MYO16: variants seen among roughly 807,000 people sequenced by gnomAD.
MYO16 encodes myosin XVI, also known as unconventional myosin-XVI.
A neutral mutation model predicts 205.3 loss-of-function variants in MYO16; 94 were observed. The observed-to-expected ratio is 0.46, with a 90% CI of 0.39 to 0.54. MYO16 has a LOEUF of 0.54. Among genes scored for constraint, MYO16 ranks in the 20% least tolerant of loss-of-function variants. The pLI is 0.00. For synonymous variants in MYO16, 988 were observed against 954.0 expected, an observed-to-expected ratio of 1.04 and a Z score of -0.66; for missense variants, 2,315 against 2,387.5, an observed-to-expected ratio of 0.97 and a Z score of 0.63.
At chr13:108,667,707 T>C (rs900030350) in intron 2 of MYO16, among the ~76,000 whole-genome samples, 2 of 152,152 alleles carry the variant, frequency 1.3e-5, no homozygotes, top group South Asian at 4.1e-4. Context: ...AGAAAGCAGA[T>C]CTTAAAATTT....
At chr13:109,024,745 T>A (rs1022469716) in intron 23 of MYO16, among the ~76,000 whole-genome samples, 1 of 152,142 alleles carries the variant, frequency 6.6e-6, no homozygotes, top group Non-Finnish European at 1.5e-5. Context: ...AATCTTTTAT[T>A]GTACTGAGAT....
the MYO16 span, among the ~76,000 whole-genome samples, chr13:108,565,082 TATG>T: frequency 6.6e-6 from 1 of 152,226 alleles, no homozygotes; most frequent in Non-Finnish European, 1.5e-5. Flanking sequence ...AGTCACGTAA[TATG>T]ATTACTCCAG....
chr13:109,108,273 G>A, intron 28 of MYO16, among the ~76,000 whole-genome samples: 1 of 152,190 alleles, frequency 6.6e-6, no homozygotes, highest in Middle Eastern at 3.2e-3. Flanking sequence ...ATGAATGAAT[G>A]AATAAATGAA....
chr13:108,987,226 C>A (rs1455539097), intron 20 of MYO16, among the ~76,000 whole-genome samples: 1 of 152,220 alleles, frequency 6.6e-6, no homozygotes, highest in Non-Finnish European at 1.5e-5. Flanking sequence ...CGGACGGCCT[C>A]TCTGGTTACT....
intron 2 of MYO16, among the ~76,000 whole-genome samples, chr13:108,673,327 A>G (rs1594197240): frequency 6.8e-6 from 1 of 147,940 alleles, no homozygotes; most frequent in African/African-American, 2.5e-5. Context: ...GGGGTTTTTC[A>G]TCTTCTTTCC....
intron 27 of MYO16, among the ~76,000 whole-genome samples, chr13:109,069,857 C>T (rs762715428): frequency 2.6e-5 from 4 of 152,092 alleles, no homozygotes; most frequent in Non-Finnish European, 5.9e-5. Flanking sequence ...CAGTCCATAA[C>T]ACTTATCTCA....
intron 28 of MYO16, among the ~76,000 whole-genome samples, chr13:109,112,353 G>A (rs1199797873): frequency 6.6e-6 from 1 of 152,144 alleles, no homozygotes; most frequent in African/African-American, 2.4e-5. Flanking sequence ...TATATCAGAG[G>A]TGATGGCACT....
At chr13:108,554,872 A>G in the MYO16 span, among the ~76,000 whole-genome samples, 14 of 149,594 alleles carry the variant, frequency 9.4e-5, no homozygotes, top group African/African-American at 3.4e-4. Context: ...AAAAAAAAAA[A>G]AGAAAGAAAA....
intron 23 of MYO16, among the ~76,000 whole-genome samples, chr13:109,040,361 TAC>T (rs367712905): frequency 5.3e-4 from 60 of 112,924 alleles, no homozygotes; most frequent in African/African-American, 1.4e-3. Context: ...GACAGTAGCA[TAC>T]ACACACACAC....
intron 2 of MYO16, among the ~76,000 whole-genome samples, chr13:108,681,468 A>G (rs1449076075): frequency 6.6e-6 from 1 of 152,156 alleles, no homozygotes; most frequent in East Asian, 1.9e-4. Flanking sequence ...TCTGTGGCAT[A>G]TATGTGCCCA....
chr13:108,817,516 C>A (rs1176468478), intron 7 of MYO16, among the ~76,000 whole-genome samples: 2 of 30,222 alleles, frequency 6.6e-5, no homozygotes, highest in Admixed American at 1.4e-3. Context: ...GAACACTGAC[C>A]ACAGTGGGAC....
At chr13:108,682,269 A>G (rs1466162507) in intron 2 of MYO16, among the ~76,000 whole-genome samples, 1 of 152,220 alleles carries the variant, frequency 6.6e-6, no homozygotes, top group African/African-American at 2.4e-5. Context: ...AATATGATCT[A>G]ATAGGGACCT....
rs77001253 is a variant in MYO16, at chr13:109,061,954, G to T, written c.3335+6359G>T. ...AGTTCCTTAGATCTGTGACATCAAA[G>T]ATTCTCTTCATTAAAGGGACCTTAG... On this transcript the variant is annotated intron_variant, in intron 27 of 34. Transcript: ENST00000457511. Among the ~76,000 whole-genome samples the T allele has an allele frequency of 6.3e-3, 965 of 152,198 alleles. 11 individuals are homozygous for T. The highest frequency in any genetic ancestry group is 0.022 in the African/African-American group (905 of 41,538).
intron 15 of MYO16, among the ~76,000 whole-genome samples, chr13:108,908,127 C>T (rs962563155): frequency 6.6e-6 from 1 of 152,128 alleles, no homozygotes; most frequent in Non-Finnish European, 1.5e-5. Context: ...TCATAGAGAC[C>T]TGTGCACACA....
intron 28 of MYO16, among the ~76,000 whole-genome samples, chr13:109,106,561 T>C (rs1262794576): frequency 6.6e-6 from 1 of 152,336 alleles, no homozygotes; most frequent in East Asian, 1.9e-4. Context: ...TTTTCACACA[T>C]TTTATATGCA....
intron 34 of MYO16, among the ~76,000 whole-genome samples, chr13:109,195,860 C>A (rs1303690377): frequency 6.6e-6 from 1 of 152,114 alleles, no homozygotes; most frequent in African/African-American, 2.4e-5. Context: ...CACAGGAATG[C>A]ATATCCATAG....
At chr13:108,500,386 C>A in the MYO16 span, among the ~76,000 whole-genome samples, 2 of 151,656 alleles carry the variant, frequency 1.3e-5, no homozygotes, top group Non-Finnish European at 2.9e-5. Context: ...CCTGCCACCA[C>A]GCCCGGCTAA....
intron 4 of MYO16, among the ~76,000 whole-genome samples, chr13:108,732,151 A>G (rs1308798340): frequency 6.6e-6 from 1 of 152,230 alleles, no homozygotes; most frequent in Non-Finnish European, 1.5e-5. Flanking sequence ...CCAATGTGGA[A>G]GACTGTATGC....
At chr13:109,047,587 T>C (rs1887089307) in intron 24 of MYO16, among the ~76,000 whole-genome samples, 1 of 152,132 alleles carries the variant, frequency 6.6e-6, no homozygotes, top group Non-Finnish European at 1.5e-5. Context: ...TATGTGATAA[T>C]TAAATGTATA....
Sources: allele counts gnomAD v4.1 joint callset (sites outside exome capture counted in the v4.1 genomes callset), GRCh38; gene constraint gnomAD v4.1.1; transcripts MANE v1.5; gene names NCBI Gene and HGNC (gene_info 2026-07-23, HGNC 2026-07-21).